The following PCDHA11 variants were observed in gnomAD, a reference collection of about 807,000 sequenced individuals.
The protein encoded by PCDHA11 is protocadherin alpha 11, also known as protocadherin alpha-11.
Under a neutral mutation model 70.3 loss-of-function variants are expected in PCDHA11, and 61 were observed. The ratio of observed to expected loss-of-function variants is 0.87; its 90% CI spans 0.71 to 1.07. The LOEUF (loss-of-function observed/expected upper bound fraction) is 1.07, where lower values mean the gene tolerates loss of function less well. Ranked by LOEUF, PCDHA11 falls within the 50% of genes least tolerant of loss-of-function variation. PCDHA11 has a pLI of 0.00. For synonymous variants in PCDHA11, 633 were observed against 555.1 expected, an observed-to-expected ratio of 1.14 and a Z score of -1.97; for missense variants, 1,324 against 1,237.5, an observed-to-expected ratio of 1.07 and a Z score of -1.05.
chr5:140,929,470 T>G (rs1554207109), intron 1 of PCDHA11: 3 of 1,296,742 alleles, frequency 2.3e-6, no homozygotes, highest in Admixed American at 2.9e-5. Context: ...CCAAGAAATC[T>G]GGAAGTATAG....
intron 1 of PCDHA11, among the ~76,000 whole-genome samples, chr5:140,973,039 C>T (rs782146596): frequency 1.3e-5 from 2 of 152,040 alleles, no homozygotes; most frequent in Non-Finnish European, 2.9e-5. Flanking sequence ...ACTTTGAGTA[C>T]TCTAGTAGAT....
intron 1 of PCDHA11, among the ~76,000 whole-genome samples, chr5:140,959,620 G>GA (rs1247214459): frequency 4.6e-5 from 7 of 151,966 alleles, no homozygotes; most frequent in African/African-American, 1.4e-4. Context: ...GCTTGTGATA[G>GA]AAAAAAAGAG....
At chr5:140,964,262 A>C (rs1327933465) in intron 1 of PCDHA11, among the ~76,000 whole-genome samples, 1 of 152,206 alleles carries the variant, frequency 6.6e-6, no homozygotes, top group Non-Finnish European at 1.5e-5. Context: ...TTGACTCCTT[A>C]ATAATTAAGG....
chr5:140,945,153 C>T (rs996541335), intron 1 of PCDHA11, among the ~76,000 whole-genome samples: 1 of 152,064 alleles, frequency 6.6e-6, no homozygotes, highest in African/African-American at 2.4e-5. Flanking sequence ...TTTCTATACA[C>T]TATTGAACTA....
At chr5:140,943,600 A>G (rs996134923) in intron 1 of PCDHA11, among the ~76,000 whole-genome samples, 1 of 152,198 alleles carries the variant, frequency 6.6e-6, no homozygotes, top group African/African-American at 2.4e-5. Context: ...AATTCTAAAT[A>G]TAGACTTTGA....
In PCDHA11 at chr5:140,870,038, A is replaced by G. The variant is rs1268813918; in HGVS notation, c.935A>G (p.Asn312Ser). 13 of 1,613,620 alleles carry G rather than the reference A, an allele frequency of 8.1e-6. No individual in the cohort carries two copies. Among genetic ancestry groups the G allele is most frequent in the Non-Finnish European group, 1.1e-5 (13 of 1,179,888 alleles). The change falls in exon 1 of 4, where the codon AAC becomes AGC. Residue 312 changes from asparagine (N) to serine (S), a missense_variant. By Grantham distance (46) the Asn-to-Ser change is conservative. Coordinates refer to ENST00000398640, the MANE Select transcript of PCDHA11 (RefSeq NM_018902.5). ...AATGGAACTTTAGATTATGAAGAAA[A>G]CAAGTTTTATAAAATTGAAGTACAG... ...RVNGTLDYEE[N>S]KFYKIEVQAT...
intron 2 of PCDHA11, among the ~76,000 whole-genome samples, chr5:140,981,337 G>A (rs2096927522): frequency 6.6e-6 from 1 of 152,146 alleles, no homozygotes; most frequent in African/African-American, 2.4e-5. Context: ...ACTTTGGGAG[G>A]GTGAGGCAGG....
At chr5:140,921,285 T>G (rs1275527554) in intron 1 of PCDHA11, among the ~76,000 whole-genome samples, 1 of 152,180 alleles carries the variant, frequency 6.6e-6, no homozygotes. Context: ...GAAAAAAACC[T>G]CAAATTTGCT....
rs1554181482 is a variant in PCDHA11, at chr5:140,884,371, C to G, written c.2391+12877C>G. The stretch of plus-strand genomic sequence containing the variant: ...TGGTGGATGTCAATGTTTACTTGAT[C>G]ATTGCCATCTGCGCGGTGTCCAGCC... On this transcript the variant is annotated intron_variant, in intron 1 of 3. Coordinates refer to ENST00000398640, the MANE Select transcript of PCDHA11 (RefSeq NM_018902.5). 2 of 1,613,948 alleles carry G rather than the reference C, an allele frequency of 1.2e-6. No homozygotes were observed. Among genetic ancestry groups the G allele is most frequent in the African/African-American group, 2.7e-5 (2 of 75,052 alleles).
At chr5:140,989,060 G>A (rs1233023153) in intron 3 of PCDHA11, 1 of 152,138 alleles carries the variant, frequency 6.6e-6, no homozygotes, top group Non-Finnish European at 1.5e-5. Context: ...CTACATTGAG[G>A]CAATACAGTC....
chr5:140,882,143 C>A, intron 1 of PCDHA11: 2 of 1,494,048 alleles, frequency 1.3e-6, no homozygotes, highest in Admixed American at 2.3e-5. Context: ...GAAAATATAG[C>A]AGAAAGCGGA....
intron 3 of PCDHA11, among the ~76,000 whole-genome samples, chr5:141,004,011 CT>C (rs1220756747): frequency 2.6e-4 from 40 of 152,200 alleles, no homozygotes; most frequent in African/African-American, 9.4e-4. Context: ...GGAGGCAGCA[CT>C]GAAAGAAGAA....
At chr5:140,929,768 C>T (rs534287991) in intron 1 of PCDHA11, 1 of 175,482 alleles carries the variant, frequency 5.7e-6, no homozygotes, top group South Asian at 2.0e-4. Context: ...ACGATAACCA[C>T]AAAAGATGTA....
chr5:141,004,414 C>A (rs2153980954), intron 3 of PCDHA11, among the ~76,000 whole-genome samples: 1 of 152,330 alleles, frequency 6.6e-6, no homozygotes, highest in Non-Finnish European at 1.5e-5. Context: ...CTGACTAGAT[C>A]TCTGCCTCCT....
At position 140,942,403 on chromosome 5, in the gene PCDHA11, T is replaced by A. The variant is rs184466711; in HGVS notation, c.2392-36546T>A. Among the ~76,000 whole-genome samples the A allele has an allele frequency of 2.8e-3, 421 of 151,284 alleles. 2 individuals are homozygous for A. The highest frequency in any genetic ancestry group is 0.014 in the Middle Eastern group (4 of 294). The stretch of plus-strand genomic sequence containing the variant: ...TTCCAGCCTGGGCGACAGATGAGAC[T>A]CTGTTTAAAAAAAAAAAAGATATCT... On this transcript the variant is annotated intron_variant, in intron 1 of 3. Transcript: ENST00000398640.
At chr5:140,944,823 C>T (rs1246814273) in intron 1 of PCDHA11, among the ~76,000 whole-genome samples, 1 of 152,148 alleles carries the variant, frequency 6.6e-6, no homozygotes, top group Non-Finnish European at 1.5e-5. Context: ...ATCTTTGCCC[C>T]ATAATTGTAA....
At chr5:140,970,280 C>G (rs1445871505) in intron 1 of PCDHA11, among the ~76,000 whole-genome samples, 3 of 152,138 alleles carry the variant, frequency 2.0e-5, no homozygotes, top group East Asian at 1.9e-4. Flanking sequence ...TGTAAAGTAG[C>G]CTTTTCAAGT....
At chr5:140,926,118 G>C (rs927468824) in intron 1 of PCDHA11, among the ~76,000 whole-genome samples, 3 of 152,174 alleles carry the variant, frequency 2.0e-5, no homozygotes, top group African/African-American at 7.2e-5. Flanking sequence ...GTGCAGGACA[G>C]ACTTCAACCC....
intron 1 of PCDHA11, among the ~76,000 whole-genome samples, chr5:140,893,139 C>G (rs2063839594): frequency 6.6e-6 from 1 of 152,186 alleles, no homozygotes; most frequent in East Asian, 1.9e-4. Context: ...TCTTTATCCA[C>G]TCATCTGTTG....
Sources: gnomAD v4.1 joint callset for allele counts (sites outside exome capture counted in the v4.1 genomes callset) on GRCh38, gnomAD v4.1.1 for gene constraint, MANE v1.5 for transcripts, NCBI Gene and HGNC (gene_info 2026-07-23, HGNC 2026-07-21) for gene names.